The following PLEKHA5 variants were observed in gnomAD, a reference collection of about 807,000 sequenced individuals.
The protein encoded by PLEKHA5 is pleckstrin homology domain-containing family A member 5.
In PLEKHA5, 55 loss-of-function variants were observed where a neutral mutation model predicts 181.9. The ratio of observed to expected loss-of-function variants is 0.30; its 90% CI spans 0.24 to 0.38. The LOEUF (loss-of-function observed/expected upper bound fraction) is 0.38. Ranked by LOEUF, PLEKHA5 falls within the 10% of genes least tolerant of loss-of-function variation. PLEKHA5 has a pLI of 1.00. For missense variants in PLEKHA5, 1,432 were observed against 1,549.5 expected (o/e 0.92, Z 1.27); for synonymous variants, 535 against 529.4 (o/e 1.01, Z -0.15).
chr12:19,194,509 A>C (rs932498432), intron 3 of PLEKHA5, among the ~76,000 whole-genome samples: 1 of 152,192 alleles, frequency 6.6e-6, no homozygotes, highest in African/African-American at 2.4e-5. Flanking sequence ...TGGTTTATTG[A>C]GAAATCTTCA....
rs543587086 is a variant in PLEKHA5, at chr12:19,343,419, G to C, written c.2647G>C (p.Gly883Arg). 1 of 1,598,662 alleles carries C rather than the reference G, an allele frequency of 6.3e-7. No homozygotes were observed. The highest frequency in any genetic ancestry group is 8.6e-7 in the Non-Finnish European group (1 of 1,166,088). ...EGLSKHKQQR[G>R]TTEIGMIGSK... ...GCTGAGTAAACATAAGCAGCAAAGA[G>C]GTACTACAGAAATAGGTAAATTAGC... The change falls in exon 22 of 32, where the codon GGT (glycine) becomes CGT (arginine). Residue 883 changes from glycine to arginine, a missense_variant. Gly to Arg is a moderately radical substitution (Grantham distance 125). Around this residue, in one of 2 missense-constraint regions of PLEKHA5, gnomAD observed 1,143 missense variants for 1,168.4 expected, o/e 0.98. Transcript: ENST00000429027.
chr12:19,335,109 A>G (rs577710905), intron 20 of PLEKHA5, among the ~76,000 whole-genome samples: 15 of 145,312 alleles, frequency 1.0e-4, no homozygotes, highest in Non-Finnish European at 2.3e-4. Flanking sequence ...GGCTCACTGC[A>G]ACCTCCGCCT....
chr12:19,216,952 T>G (rs915340908), intron 3 of PLEKHA5, among the ~76,000 whole-genome samples: 2 of 152,200 alleles, frequency 1.3e-5, no homozygotes, highest in Non-Finnish European at 2.9e-5. Context: ...ACTTCTTTTC[T>G]CAATACTGTA....
chr12:19,244,165 ATTGT>A (rs1264519837), intron 3 of PLEKHA5, among the ~76,000 whole-genome samples: 12 of 152,278 alleles, frequency 7.9e-5, no homozygotes, highest in Middle Eastern at 3.4e-3. Flanking sequence ...TTAAGATTTG[ATTGT>A]TTGAGTTGCA....
intron 3 of PLEKHA5, among the ~76,000 whole-genome samples, chr12:19,224,439 C>T (rs151069505): frequency 7.3e-4 from 111 of 152,166 alleles, no homozygotes; most frequent in African/African-American, 2.5e-3. Context: ...ACTCACTTGC[C>T]CATTATCAGT....
intron 15 of PLEKHA5, among the ~76,000 whole-genome samples, chr12:19,313,392 T>C (rs762116941): frequency 6.6e-6 from 1 of 152,184 alleles, no homozygotes; most frequent in East Asian, 1.9e-4. Context: ...TTTGTTTAAC[T>C]GATGTGTTGT....
At position 19,274,541 on chromosome 12, in the gene PLEKHA5, G is replaced by A. The variant is rs1387193172; in HGVS notation, c.871G>A (p.Ala291Thr). 2 of 1,605,698 alleles carry A rather than the reference G, an allele frequency of 1.2e-6. No homozygotes were observed. The highest frequency in any genetic ancestry group is 2.7e-5 in the African/African-American group (2 of 74,234). Residue 291 changes from alanine to threonine, a missense_variant, in exon 11 of 32, where the codon GCA becomes ACA. By Grantham distance (58) the Ala-to-Thr change is moderately conservative. Coordinates refer to ENST00000429027, the MANE Select transcript of PLEKHA5 (RefSeq NM_001256470.2). Reference sequence around the variant, plus strand: ...AGTGGACAAGATTACATCTGAAAATGCACCAACTAAAGAAACCAATAACAT... The same window carrying A: ...AGTGGACAAGATTACATCTGAAAATACACCAACTAAAGAAACCAATAACAT... ...FRVDKITSEN[A>T]PTKETNNIPN...
intron 3 of PLEKHA5, chr12:19,151,252 T>C (rs954521166): frequency 6.6e-6 from 1 of 152,242 alleles, no homozygotes; most frequent in African/African-American, 2.4e-5. Flanking sequence ...AGGAGTTTGC[T>C]AATTATGGAG....
chr12:19,177,562 G>A (rs531804024), intron 3 of PLEKHA5, among the ~76,000 whole-genome samples: 81 of 152,300 alleles, frequency 5.3e-4, no homozygotes, highest in African/African-American at 1.8e-3. Context: ...TACACCCACA[G>A]TGCCGTGTTG....
chr12:19,214,355 G>A (rs2057530369), intron 3 of PLEKHA5, among the ~76,000 whole-genome samples: 1 of 152,174 alleles, frequency 6.6e-6, no homozygotes. Flanking sequence ...GAGGCAATAG[G>A]GAGAATAGAA....
chr12:19,279,223 A>G (rs1390077923), intron 11 of PLEKHA5, among the ~76,000 whole-genome samples: 1 of 152,186 alleles, frequency 6.6e-6, no homozygotes, highest in Non-Finnish European at 1.5e-5. Flanking sequence ...TAATATTCAT[A>G]TCGTGGCAAA....
At chr12:19,292,371 G>A (rs918672422) in intron 15 of PLEKHA5, among the ~76,000 whole-genome samples, 2 of 152,032 alleles carry the variant, frequency 1.3e-5, no homozygotes, top group African/African-American at 4.8e-5. Flanking sequence ...ATGCACCACT[G>A]CACTCCAGCC....
intron 26 of PLEKHA5, among the ~76,000 whole-genome samples, chr12:19,355,493 A>G (rs1162582250): frequency 6.6e-6 from 1 of 151,732 alleles, no homozygotes; most frequent in African/African-American, 2.4e-5. Context: ...CTGGGACAAT[A>G]AGCACGTACC....
rs74643159 is a variant in PLEKHA5 at position 19,326,675 on chromosome 12, C to T, written c.2448+4008C>T. 1.7e-3 allele frequency among the ~76,000 whole-genome samples: 264 copies of T among 152,242 alleles called. 2 individuals carry two copies. The highest frequency in any genetic ancestry group is 3.4e-3 in the Middle Eastern group (1 of 294). On this transcript the variant is annotated intron_variant, in intron 20 of 31. Transcript: ENST00000429027. Reference sequence around the variant, plus strand: ...GTTTGGAGTATGAATGAGCCCATCACCCAGGTACCTAGCATAGTACTCGAT... The same window carrying T: ...GTTTGGAGTATGAATGAGCCCATCATCCAGGTACCTAGCATAGTACTCGAT...
At chr12:19,360,072 G>T (rs531198603) in intron 28 of PLEKHA5, among the ~76,000 whole-genome samples, 1 of 150,688 alleles carries the variant, frequency 6.6e-6, no homozygotes, top group African/African-American at 2.4e-5. Flanking sequence ...TGGCTGGTGT[G>T]TGTAATCCCA....
chr12:19,275,025 T>C, intron 11 of PLEKHA5, 42 bp downstream of exon 11: 1 of 1,357,798 alleles, frequency 7.4e-7, no homozygotes, highest in South Asian at 1.2e-5. Flanking sequence ...GTTTCTTTGA[T>C]GCTGTGTTGG....
chr12:19,347,434 G>A (rs1354802198), intron 24 of PLEKHA5, among the ~76,000 whole-genome samples: 2 of 151,570 alleles, frequency 1.3e-5, no homozygotes, highest in Admixed American at 6.6e-5. Context: ...TTCATAAAGT[G>A]GTAACTTTTC....
At position 19,340,091 on chromosome 12, in the gene PLEKHA5, C is replaced by G. The variant is rs531812526; in HGVS notation, c.2551-3232C>G. Among the ~76,000 whole-genome samples, 342 of 152,020 alleles carry G rather than the reference C, an allele frequency of 2.2e-3. 1 individual carries two copies. Among genetic ancestry groups the G allele is most frequent in the African/African-American group, 7.7e-3 (321 of 41,494 alleles). ...GGCTTTATCAAAGTTAAAGATTTAC[C>G]CTCAATGAAGGCAACATAGACAGAG... On this transcript the variant is annotated intron_variant, in intron 21 of 31. Coordinates refer to ENST00000429027, the MANE Select transcript of PLEKHA5 (RefSeq NM_001256470.2).
intron 3 of PLEKHA5, among the ~76,000 whole-genome samples, chr12:19,247,036 A>G (rs891071199): frequency 3.9e-5 from 6 of 152,140 alleles, no homozygotes; most frequent in Admixed American, 3.9e-4. Context: ...TCATGAGAGA[A>G]TGTGTGCATG....
Sources: gnomAD v4.1 joint callset for allele counts (sites outside exome capture counted in the v4.1 genomes callset) on GRCh38, gnomAD v4.1.1 for gene constraint, gnomAD v4.1.1 regional missense constraint, MANE v1.5 for transcripts, NCBI Gene and HGNC (gene_info 2026-07-23, HGNC 2026-07-21) for gene names.